The following SNX29 variants were observed in gnomAD, a reference collection of about 807,000 sequenced individuals.
The protein encoded by SNX29 is sorting nexin 29, also known as sorting nexin-29.
In SNX29, 78 loss-of-function variants were observed where a neutral mutation model predicts 102.1. The ratio of observed to expected loss-of-function variants is 0.76; its 90% CI spans 0.64 to 0.92. The LOEUF is 0.92. Ranked by LOEUF, SNX29 falls within the 40% of genes least tolerant of loss-of-function variation. The probability of loss-of-function intolerance (pLI) is 0.00; values close to 1 mark genes in which losing one functional copy is unlikely to be tolerated. For missense variants in SNX29, 1,280 were observed against 1,061.7 expected (o/e 1.21, Z -2.86); for synonymous variants, 580 against 414.5 (o/e 1.40, Z -4.85).
intron 1 of SNX29, among the ~76,000 whole-genome samples, chr16:11,993,230 T>A (rs1253456955): frequency 6.6e-6 from 1 of 151,970 alleles, no homozygotes. Flanking sequence ...GGGCTTGACC[T>A]CTGTGGAATG....
intron 18 of SNX29, among the ~76,000 whole-genome samples, chr16:12,418,628 C>A (rs2084744559): frequency 6.6e-6 from 1 of 152,112 alleles, no homozygotes; most frequent in Non-Finnish European, 1.5e-5. Context: ...GATTCTCCTG[C>A]CTCAGCCTTC....
At chr16:12,244,924 C>A (rs1445674268) in intron 14 of SNX29, among the ~76,000 whole-genome samples, 2 of 152,140 alleles carry the variant, frequency 1.3e-5, no homozygotes, top group African/African-American at 2.4e-5. Flanking sequence ...TTTCTCCTTT[C>A]AGATTTGTTT....
At chr16:11,978,651 A>G (rs933460913) in intron 1 of SNX29, among the ~76,000 whole-genome samples, 1 of 152,162 alleles carries the variant, frequency 6.6e-6, no homozygotes, top group Non-Finnish European at 1.5e-5. Flanking sequence ...TCCTTTTACT[A>G]TGACCAAGGA....
chr16:12,310,865 C>T (rs1390805436), intron 15 of SNX29, among the ~76,000 whole-genome samples: 3 of 152,102 alleles, frequency 2.0e-5, no homozygotes, highest in African/African-American at 7.2e-5. Flanking sequence ...GAGCAGTGCC[C>T]TGCTGCAGGA....
intron 11 of SNX29, among the ~76,000 whole-genome samples, chr16:12,115,219 G>A (rs1211576471): frequency 4.6e-5 from 7 of 152,026 alleles, no homozygotes; most frequent in African/African-American, 1.7e-4. Flanking sequence ...CACTGCTGCT[G>A]GTGTTGTCTT....
chr16:12,204,849 G>A (rs2077005787), intron 14 of SNX29, among the ~76,000 whole-genome samples: 1 of 151,550 alleles, frequency 6.6e-6, no homozygotes, highest in African/African-American at 2.4e-5. Context: ...TGGGGTGAGT[G>A]CAGCGATTCC....
chr16:12,086,762 T>C (rs2052218546), intron 11 of SNX29: 1 of 149,428 alleles, frequency 6.7e-6, no homozygotes, highest in Admixed American at 6.6e-5. Flanking sequence ...ACCAGTTTAA[T>C]TTAACTATTG....
At chr16:12,059,074 C>G (rs1308330981) in intron 8 of SNX29, among the ~76,000 whole-genome samples, 1 of 152,156 alleles carries the variant, frequency 6.6e-6, no homozygotes, top group Non-Finnish European at 1.5e-5. Context: ...GGCCAGCAAT[C>G]TTTAATGTAA....
intron 11 of SNX29, among the ~76,000 whole-genome samples, chr16:12,107,261 A>T (rs544231576): frequency 3.6e-4 from 55 of 151,926 alleles, no homozygotes; most frequent in Non-Finnish European, 7.4e-4. Context: ...AGAAGAAGAA[A>T]ATGGGTGTGG....
intron 20 of SNX29, among the ~76,000 whole-genome samples, chr16:12,549,666 T>C (rs942046431): frequency 6.6e-6 from 1 of 152,194 alleles, no homozygotes; most frequent in East Asian, 1.9e-4. Flanking sequence ...CTTGAGGCAG[T>C]CCCAAGGCCC....
intron 20 of SNX29, among the ~76,000 whole-genome samples, chr16:12,541,087 C>T (rs1253917943): frequency 6.6e-6 from 1 of 152,182 alleles, no homozygotes; most frequent in Non-Finnish European, 1.5e-5. Context: ...CTGCCTCATG[C>T]ATCCACTCCA....
chr16:12,548,882 C>G (rs529127966), intron 20 of SNX29, among the ~76,000 whole-genome samples: 4 of 152,354 alleles, frequency 2.6e-5, no homozygotes, highest in East Asian at 1.9e-4. Flanking sequence ...GGCCTGAACC[C>G]TACACATAGC....
chr16:12,242,674 G>C (rs1237753505), intron 14 of SNX29, among the ~76,000 whole-genome samples: 1 of 139,240 alleles, frequency 7.2e-6, no homozygotes, highest in Non-Finnish European at 1.5e-5. Flanking sequence ...TTTTTTTTGA[G>C]GCAGGGTCTT....
At position 12,526,786 on chromosome 16, in the gene SNX29, C is replaced by G. The variant is rs141049414; in HGVS notation, c.2318+1945C>G. ...ATCCGCAAGTCAGTGTCCCCCACCC[C>G]CTGCGGGGTCCACAGCCCAGGCATC... On this transcript the variant is annotated intron_variant, in intron 20 of 20. Coordinates refer to ENST00000566228, the MANE Select transcript of SNX29 (RefSeq NM_032167.5). 5.3e-4 allele frequency: 222 copies of G among 421,262 alleles called. No homozygotes were observed. In the Middle Eastern group the frequency reaches 7.7e-3, roughly 15 times the overall value. The allele number at this position is 421,262 out of a possible 1,614,324, so 26.1% of individuals were successfully genotyped here.
At position 12,069,150 on chromosome 16, in the gene SNX29, C is replaced by T. The variant is rs1156270267; in HGVS notation, c.1319+18C>T. 3 of 1,597,810 alleles carry T rather than the reference C, an allele frequency of 1.9e-6. No homozygotes were observed. The highest frequency in any genetic ancestry group is 1.7e-6 in the Non-Finnish European group (2 of 1,168,324). On this transcript the variant is annotated intron_variant, in intron 10 of 20. Coordinates refer to ENST00000566228, the MANE Select transcript of SNX29 (RefSeq NM_032167.5). ...CGGTACAGGTTAATATTGAGAAACC[C>T]AGTTGCCTGTGGCATTAAAACATCC...
At position 12,003,069 on chromosome 16, in the gene SNX29, T is replaced by C. The variant is rs776756591; in HGVS notation, c.122+26T>C. 8.7e-6 allele frequency: 14 copies of C among 1,613,590 alleles called. No homozygotes were observed. In the Admixed American group the frequency reaches 2.2e-4, roughly 25 times the overall value. On this transcript the variant is annotated intron_variant, in intron 3 of 20. Coordinates refer to ENST00000566228, the MANE Select transcript of SNX29 (RefSeq NM_032167.5). ...GTAAATATGTCACTTCTAAAACCGT[T>C]GACCATCGAGGTTGGAAAGGCGGCA... is the stretch of plus-strand genomic sequence containing the variant.
intron 16 of SNX29, among the ~76,000 whole-genome samples, chr16:12,361,941 C>T (rs529493747): frequency 2.2e-4 from 31 of 138,564 alleles, no homozygotes; most frequent in African/African-American, 9.0e-4. Flanking sequence ...CTCAGTACAC[C>T]GCTTTATTGC....
At chr16:12,480,905 C>T (rs1263290700) in intron 19 of SNX29, among the ~76,000 whole-genome samples, 2 of 152,086 alleles carry the variant, frequency 1.3e-5, no homozygotes, top group Non-Finnish European at 2.9e-5. Context: ...GAGGCAAAGT[C>T]TTACTCTGTT....
intron 15 of SNX29, among the ~76,000 whole-genome samples, chr16:12,332,375 A>T (rs924951329): frequency 5.3e-5 from 8 of 152,194 alleles, no homozygotes; most frequent in African/African-American, 1.9e-4. Flanking sequence ...GAGCAAATTA[A>T]CTTTGGCATC....
Sources: gnomAD v4.1 joint callset for allele counts (sites outside exome capture counted in the v4.1 genomes callset) on GRCh38, gnomAD v4.1.1 for gene constraint, MANE v1.5 for transcripts, NCBI Gene and HGNC (gene_info 2026-07-23, HGNC 2026-07-21) for gene names.